DPP10: variants seen among roughly 807,000 people sequenced by gnomAD.
The protein encoded by DPP10 is dipeptidyl peptidase like 10, also known as inactive dipeptidyl peptidase 10.
A neutral mutation model predicts 120.9 loss-of-function variants in DPP10; 33 were observed. That is an observed-to-expected ratio of 0.27 (90% confidence interval 0.21 to 0.37). The LOEUF (loss-of-function observed/expected upper bound fraction) is 0.37, where lower values mean the gene tolerates loss of function less well. Ranked by LOEUF, DPP10 falls within the 10% of genes least tolerant of loss-of-function variation. The pLI is 1.00. For synonymous variants in DPP10, 337 were observed against 326.1 expected, an observed-to-expected ratio of 1.03 and a Z score of -0.36; for missense variants, 816 against 942.8, an observed-to-expected ratio of 0.87 and a Z score of 1.76.
At chr2:114,698,135 A>T (rs1162191079) in intron 1 of DPP10, among the ~76,000 whole-genome samples, 1 of 152,092 alleles carries the variant, frequency 6.6e-6, no homozygotes, top group Non-Finnish European at 1.5e-5. Context: ...CCACAGCATG[A>T]ATTAACCTTT....
chr2:115,644,650 T>C (rs1394101564), intron 5 of DPP10, among the ~76,000 whole-genome samples: 1 of 149,576 alleles, frequency 6.7e-6, no homozygotes, highest in East Asian at 2.0e-4. Flanking sequence ...CATGGTGGCG[T>C]GCACCACCTG....
intron 1 of DPP10, among the ~76,000 whole-genome samples, chr2:115,028,156 T>C (rs1703599373): frequency 6.6e-6 from 1 of 152,102 alleles, no homozygotes; most frequent in South Asian, 2.1e-4. Context: ...TTTTGGTTTA[T>C]TATTGCTTTG....
chr2:115,475,799 G>A (rs1263019292), intron 3 of DPP10, among the ~76,000 whole-genome samples: 1 of 152,090 alleles, frequency 6.6e-6, no homozygotes, highest in African/African-American at 2.4e-5. Flanking sequence ...AGATTATTTT[G>A]GAGCTTTAAG....
chr2:115,162,406 G>T, intron 1 of DPP10: 2 of 1,263,400 alleles, frequency 1.6e-6, no homozygotes, highest in South Asian at 1.6e-5. Context: ...GCTCCTGACG[G>T]CCGCTCACCG....
At chr2:115,499,700 G>T (rs1436771298) in intron 4 of DPP10, 96 bp downstream of exon 4, 3 of 798,926 alleles carry the variant, frequency 3.8e-6, no homozygotes, top group African/African-American at 3.6e-5. Flanking sequence ...TCCAGCATTT[G>T]TAAAGCATTT....
chr2:114,803,067 A>C (rs1684403972), intron 1 of DPP10, among the ~76,000 whole-genome samples: 1 of 152,078 alleles, frequency 6.6e-6, no homozygotes, highest in African/African-American at 2.4e-5. Context: ...ACTCACGGGG[A>C]GGTACTTGAA....
At chr2:115,676,689 C>A (rs951799697) in intron 5 of DPP10, among the ~76,000 whole-genome samples, 1 of 151,852 alleles carries the variant, frequency 6.6e-6, no homozygotes, top group Admixed American at 6.6e-5. Context: ...GACTACGGGA[C>A]GTATAAGAGG....
chr2:114,600,341 T>A (rs185289146), intron 1 of DPP10, among the ~76,000 whole-genome samples: 1 of 151,982 alleles, frequency 6.6e-6, no homozygotes. Flanking sequence ...ACATTTCAGA[T>A]ATTATACTTT....
intron 1 of DPP10, among the ~76,000 whole-genome samples, chr2:114,946,399 G>C (rs553261077): frequency 6.6e-6 from 1 of 152,124 alleles, no homozygotes; most frequent in Non-Finnish European, 1.5e-5. Flanking sequence ...AAAAGTTCTA[G>C]ACCTGTTTTA....
At chr2:115,835,066 G>T (rs1404521317) in intron 21 of DPP10, among the ~76,000 whole-genome samples, 1 of 151,840 alleles carries the variant, frequency 6.6e-6, no homozygotes, top group Non-Finnish European at 1.5e-5. Flanking sequence ...AACCCAGGGG[G>T]CGGAGCTTGA....
Position 114,476,089 on chromosome 2 carries a change from T to C in DPP10, c.60+33251T>C, listed in dbSNP as rs530074401. Among the ~76,000 whole-genome samples, 8 of 152,352 alleles carry C rather than the reference T, an allele frequency of 5.3e-5. No individual in the cohort carries two copies. The South Asian group carries it at 8.3e-4, about 16-fold the overall frequency. On this transcript the variant is annotated intron_variant, in intron 1 of 25. Coordinates refer to ENST00000410059, the MANE Select transcript of DPP10 (RefSeq NM_020868.6). ...CAGTGACTTGTTTGTTCTTGTGATA[T>C]AAGACATAGTACCACTAACCCCTTG...
chr2:115,467,108 G>A (rs1479688283), intron 3 of DPP10, among the ~76,000 whole-genome samples: 1 of 151,964 alleles, frequency 6.6e-6, no homozygotes, highest in Non-Finnish European at 1.5e-5. Flanking sequence ...GAAGGCGTGG[G>A]GAAAATTTAA....
At chr2:114,757,402 G>C (rs893531240) in intron 1 of DPP10, among the ~76,000 whole-genome samples, 3 of 149,456 alleles carry the variant, frequency 2.0e-5, no homozygotes, top group Admixed American at 6.7e-5. Context: ...GAGGGAGAGA[G>C]AGAGAGGGAA....
intron 1 of DPP10, among the ~76,000 whole-genome samples, chr2:115,191,947 G>A (rs1201718722): frequency 6.6e-6 from 1 of 152,196 alleles, no homozygotes; most frequent in African/African-American, 2.4e-5. Flanking sequence ...GTAGTAGAAT[G>A]TAGATAAGGC....
intron 1 of DPP10, among the ~76,000 whole-genome samples, chr2:114,838,998 T>A (rs1558796978): frequency 6.6e-6 from 1 of 152,206 alleles, no homozygotes; most frequent in African/African-American, 2.4e-5. Flanking sequence ...TCATATCCTC[T>A]GTTTTTTAAT....
At position 115,768,359 on chromosome 2, in the gene DPP10, A is replaced by AGG; in HGVS notation, c.1180_1181dup (p.Arg395AspfsTer8). On this transcript the variant is annotated frameshift_variant, in exon 13 of 26. Transcript: ENST00000410059. LOFTEE classifies it high-confidence loss of function. ...TCTTTATGACAGTGCCTGTTAAGCA[A>AGG]GGGGGACGTGGAGAATTTCACCACG... The AGG allele has an allele frequency of 1.2e-6, 2 of 1,613,666 alleles. No homozygotes were observed.
At chr2:114,759,381 T>C (rs898428699) in intron 1 of DPP10, among the ~76,000 whole-genome samples, 5 of 152,308 alleles carry the variant, frequency 3.3e-5, no homozygotes, top group Non-Finnish European at 4.4e-5. Context: ...AACTGGTCTA[T>C]AAAGCATTCT....
chr2:115,339,931 A>G (rs1189062929), intron 2 of DPP10, among the ~76,000 whole-genome samples: 1 of 152,168 alleles, frequency 6.6e-6, no homozygotes, highest in Non-Finnish European at 1.5e-5. Flanking sequence ...ACGTGAATAA[A>G]TGAATACATG....
chr2:115,355,587 T>A (rs1396688723), intron 3 of DPP10, among the ~76,000 whole-genome samples: 3 of 152,236 alleles, frequency 2.0e-5, no homozygotes, highest in Non-Finnish European at 4.4e-5. Flanking sequence ...AATTTTCCTT[T>A]TGTTGCAATT....
Sources: allele counts gnomAD v4.1 joint callset (sites outside exome capture counted in the v4.1 genomes callset), GRCh38; gene constraint gnomAD v4.1.1; transcripts MANE v1.5; gene names NCBI Gene and HGNC (gene_info 2026-07-23, HGNC 2026-07-21).